Variants in MYH10 observed in about 807,000 individuals in gnomAD.
MYH10 encodes myosin-10.
MYH10 carries 55 observed loss-of-function variants against 257.8 expected under a neutral mutation model. The ratio of observed to expected loss-of-function variants is 0.21; its 90% confidence interval spans 0.17 to 0.27. The LOEUF is 0.27. Among genes scored for constraint, MYH10 ranks in the 10% least tolerant of loss-of-function variants. The pLI, the probability that MYH10 is intolerant of heterozygous loss-of-function variation, is 1.00. For synonymous variants in MYH10, 854 were observed against 921.7 expected (o/e 0.93, Z 1.33); for missense variants, 1,631 against 2,500.6 (o/e 0.65, Z 7.42).
At chr17:8,494,224 C>T (rs1472897404) in intron 31 of MYH10, among the ~76,000 whole-genome samples, 1 of 152,178 alleles carries the variant, frequency 6.6e-6, no homozygotes. Flanking sequence ...TCCTCTCCAC[C>T]CCCTGCCCCG....
Position 8,475,858 on chromosome 17 carries a change from G to A in MYH10, c.5970C>T (p.Asp1990=). The A allele has an allele frequency of 1.2e-6, 2 of 1,614,214 alleles. No homozygotes were observed. Among genetic ancestry groups the A allele is most frequent in the Non-Finnish European group, 1.7e-6 (2 of 1,180,040 alleles). Reference sequence around the variant, plus strand: ...TGACATCACTGGTCTTACTTTCTGTGTCATCGTCGGAGAGCTCCAGGGAAG... The same window carrying A: ...TGACATCACTGGTCTTACTTTCTGTATCATCGTCGGAGAGCTCCAGGGAAG... ...EGASLELSDD[D]TESKTSDVNE... The change falls in exon 43 of 43, where the codon GAC becomes GAT. Residue 1990 remains aspartate, a synonymous_variant. Coordinates refer to ENST00000360416, the MANE Select transcript of MYH10 (RefSeq NM_001256012.3).
intron 1 of MYH10, among the ~76,000 whole-genome samples, chr17:8,626,189 A>G (rs73973183): frequency 0.028 from 4,330 of 152,298 alleles, 244 homozygotes; most frequent in African/African-American, 0.098. Context: ...CATTCTGCAT[A>G]ACAGTTTTAA....
chr17:8,478,437 T>C lies in MYH10; in HGVS notation c.5607A>G (p.Ala1869=). The C allele has an allele frequency of 6.2e-7, 1 of 1,614,270 alleles. No individual in the cohort carries two copies. The highest frequency in any genetic ancestry group is 1.1e-5 in the South Asian group (1 of 91,090). Residue 1869 remains alanine, a synonymous_variant, in exon 41 of 43, where the codon GCA becomes GCG. Transcript: ENST00000360416. ...EQLEQEAKER[A]AANKLVRRTE... ...TGCGACGGACTAATTTGTTGGCGGC[T>C]GCTCGTTCCCTGTGAAAGTGGTCAC...
At chr17:8,585,828 T>C (rs1034093345) in intron 4 of MYH10, among the ~76,000 whole-genome samples, 1 of 152,166 alleles carries the variant, frequency 6.6e-6, no homozygotes, top group African/African-American at 2.4e-5. Flanking sequence ...TCTAAGTAAA[T>C]TTTGTTTCAA....
chr17:8,479,432 G>A (rs566169676), intron 40 of MYH10, among the ~76,000 whole-genome samples: 2 of 152,330 alleles, frequency 1.3e-5, no homozygotes, highest in South Asian at 4.1e-4. Context: ...CTGAAAGGGT[G>A]TTTATGTTAA....
chr17:8,544,864 C>A (rs7207337), intron 13 of MYH10, among the ~76,000 whole-genome samples: 61,723 of 151,940 alleles, frequency 0.41, 12,515 homozygotes, highest in East Asian at 0.5. Flanking sequence ...TTGTTAAACC[C>A]TGGTTATATC....
At chr17:8,527,450 C>T (rs979604961) in intron 17 of MYH10, among the ~76,000 whole-genome samples, 1 of 152,256 alleles carries the variant, frequency 6.6e-6, no homozygotes, top group Admixed American at 6.5e-5. Context: ...CCACTGTGCT[C>T]TGCGCTCGCT....
chr17:8,496,259 C>T (rs6503125), intron 30 of MYH10, among the ~76,000 whole-genome samples: 142,026 of 152,320 alleles, frequency 0.93, 67,050 homozygotes, highest in East Asian at 1. Flanking sequence ...CTCGTCACAC[C>T]GGCCAAGGGA....
At position 8,521,471 on chromosome 17, in the gene MYH10, T is replaced by C. The variant is rs2081654429; in HGVS notation, c.1958-186A>G. 3.2e-6 allele frequency: 2 copies of C among 617,312 alleles called. 1 individual carries two copies. Among genetic ancestry groups the C allele is most frequent in the South Asian group, 3.9e-5 (2 of 50,794 alleles). The allele number at this position is 617,312 out of a possible 1,614,324, so 38.2% of individuals were successfully genotyped here. A position where few individuals can be genotyped will look rare whatever the true frequency, so the allele number is the denominator to read the frequency against. Reference sequence around the variant, plus strand: ...GGGAACTAACAGCCACACACTTATATGGCAGGATACTGTAGTGCTTTGACA... The same window carrying C: ...GGGAACTAACAGCCACACACTTATACGGCAGGATACTGTAGTGCTTTGACA... On this transcript the variant is annotated intron_variant, in intron 17 of 42. Transcript: ENST00000360416.
chr17:8,619,890 A>C (rs1387533277), intron 2 of MYH10, among the ~76,000 whole-genome samples: 1 of 152,020 alleles, frequency 6.6e-6, no homozygotes, highest in Non-Finnish European at 1.5e-5. Context: ...GCACCACTAC[A>C]CTCCAGCCTG....
intron 37 of MYH10, among the ~76,000 whole-genome samples, chr17:8,483,027 C>G (rs146472633): frequency 1.3e-5 from 2 of 152,306 alleles, no homozygotes; most frequent in East Asian, 3.9e-4. Flanking sequence ...TCAGCATTCT[C>G]TGACCACAAT....
At position 8,493,627 on chromosome 17, in the gene MYH10, C is replaced by T. The variant is rs957306698; in HGVS notation, c.4209+106G>A. The T allele has an allele frequency of 3.2e-5, 42 of 1,302,824 alleles. No individual in the cohort carries two copies. In the African/African-American group the frequency reaches 5.8e-4, roughly 18 times the overall value. The allele number at this position is 1,302,824 out of a possible 1,614,324, so 80.7% of individuals were successfully genotyped here. On this transcript the variant is annotated intron_variant, in intron 32 of 42. Transcript: ENST00000360416. ...TTTAATGGGCTTAATTTAGTACGAC[C>T]TAATTAACTGTCCCAAATGGAGCTG...
In MYH10 at chr17:8,535,294, T is replaced by C; in HGVS notation, c.1894+93A>G. 1.2e-6 allele frequency: 1 copy of C among 859,506 alleles called. No homozygotes were observed. The highest frequency in any genetic ancestry group is 1.7e-5 in the African/African-American group (1 of 58,840). The allele number at this position is 859,506 out of a possible 1,614,324, so 53.2% of individuals were successfully genotyped here. On this transcript the variant is annotated intron_variant, in intron 16 of 42. Transcript: ENST00000360416. The surrounding 1 kb of genome is among the most constrained non-coding windows in gnomAD (Gnocchi z 4.3). The stretch of plus-strand genomic sequence containing the variant: ...AGAAAGATTTTAAAGTAAGAAGTTA[T>C]ATGTATCCATATATATGTAAAAGAA...
chr17:8,623,361 C>T (rs2085541010), intron 1 of MYH10, 84 bp from the exon 2 acceptor site: 1 of 1,331,448 alleles, frequency 7.5e-7, no homozygotes, highest in South Asian at 1.6e-5. Flanking sequence ...AACTTAAAAC[C>T]TTAGATTAAG....
chr17:8,569,068 T>C lies in MYH10; in HGVS notation c.756+652A>G, dbSNP rs1222718549. Among the ~76,000 whole-genome samples the C allele has an allele frequency of 6.6e-6, 1 of 151,276 alleles. No homozygotes were observed. Among genetic ancestry groups the C allele is most frequent in the Admixed American group, 6.6e-5 (1 of 15,204 alleles). Reference sequence around the variant, plus strand: ...CTCTAAAAAAAAAAAAGTTACTCTTTTAAATTAGCCTGGTGAAGTAACGTG... The same window carrying C: ...CTCTAAAAAAAAAAAAGTTACTCTTCTAAATTAGCCTGGTGAAGTAACGTG... On this transcript the variant is annotated intron_variant, in intron 7 of 42. Transcript: ENST00000360416. This position sits in a 1 kb window ranked among gnomAD's most constrained non-coding sequence, Gnocchi z 4.1.
In MYH10 at chr17:8,480,120, G is replaced by C. The variant is rs1253699514; in HGVS notation, c.5587C>G (p.Gln1863Glu). The C allele has an allele frequency of 1.1e-5, 18 of 1,613,984 alleles. No individual in the cohort carries two copies. The highest frequency in any genetic ancestry group is 2.7e-5 in the African/African-American group (2 of 74,942). ...GCAAAAACCTCTTACTTGGCTTCCTGCTCAAGCTGCTCCTCCAGCTGCCCA... is the reference window on the plus strand; with the variant it reads ...GCAAAAACCTCTTACTTGGCTTCCTCCTCAAGCTGCTCCTCCAGCTGCCCA... ...KIGQLEEQLE[Q>E]EAKERAAANK... The change falls in exon 40 of 43, where the codon CAG becomes GAG. Residue 1863 changes from glutamine (Q) to glutamate (E), a missense_variant. By Grantham distance (29) the Gln-to-Glu change is conservative (BLOSUM62 2). Around this residue, in one of 11 missense-constraint regions of MYH10, gnomAD observed 343 missense variants for 389.5 expected, o/e 0.88. Coordinates refer to ENST00000360416, the MANE Select transcript of MYH10 (RefSeq NM_001256012.3).
chr17:8,486,712 A>G (rs527580734), intron 36 of MYH10, among the ~76,000 whole-genome samples: 82 of 146,812 alleles, frequency 5.6e-4, no homozygotes, highest in African/African-American at 2.0e-3. Flanking sequence ...TTACAAGTCA[A>G]ACCGTCCTAC....
rs2083281942 is a variant in MYH10 at position 8,569,871 on chromosome 17, CTCAAG to C, written c.664-64_664-60del. 7.1e-6 allele frequency: 9 copies of C among 1,273,278 alleles called. No homozygotes were observed. In the East Asian group the frequency reaches 1.7e-4, roughly 24 times the overall value. The allele number at this position is 1,273,278 out of a possible 1,614,324, so 78.9% of individuals were successfully genotyped here. A position where few individuals can be genotyped will look rare whatever the true frequency, so the allele number is the denominator to read the frequency against. Reference sequence around the variant, plus strand: ...GATGTACGTTAATCTAATGTCTTTACTCAAGTCATCAGGGGAAAAATTTCTAAAAA... The same window carrying C: ...GATGTACGTTAATCTAATGTCTTTACTCATCAGGGGAAAAATTTCTAAAAA... On this transcript the variant is annotated intron_variant, in intron 6 of 42. Transcript: ENST00000360416. The surrounding 1 kb of genome is among the most constrained non-coding windows in gnomAD (Gnocchi z 4.1).
At chr17:8,476,286 A>T (rs1433609709) in intron 42 of MYH10, among the ~76,000 whole-genome samples, 1 of 152,006 alleles carries the variant, frequency 6.6e-6, no homozygotes, top group Non-Finnish European at 1.5e-5. Flanking sequence ...CCACATAGGG[A>T]CTCTGTTGCA....
Sources: gnomAD v4.1 joint callset for allele counts (sites outside exome capture counted in the v4.1 genomes callset) on GRCh38, gnomAD v4.1.1 for gene constraint, gnomAD v4.1.1 regional missense constraint, Gnocchi (gnomAD v3.1) non-coding constraint, MANE v1.5 for transcripts, NCBI Gene and HGNC (gene_info 2026-07-23, HGNC 2026-07-21) for gene names.